RIT2: variants seen among roughly 807,000 people sequenced by gnomAD.
The protein encoded by RIT2 is GTP-binding protein Rit2.
In RIT2, 24 loss-of-function variants were observed where a neutral mutation model predicts 23.7. The observed-to-expected ratio is 1.01, with a 90% CI of 0.73 to 1.43. The LOEUF (loss-of-function observed/expected upper bound fraction) is 1.43, where lower values mean the gene tolerates loss of function less well. Among genes scored for constraint, RIT2 ranks in the 40% most tolerant of loss-of-function variants. The pLI is 0.00. For synonymous variants in RIT2, 107 were observed against 91.1 expected (o/e 1.17, Z -0.99); for missense variants, 236 against 266.9 (o/e 0.88, Z 0.81).
chr18:42,996,415 C>A (rs1158435265), intron 2 of RIT2, among the ~76,000 whole-genome samples: 1 of 152,076 alleles, frequency 6.6e-6, no homozygotes, highest in African/African-American at 2.4e-5. Context: ...GTTTCTGAGT[C>A]CAAGCTAAGC....
chr18:43,021,804 C>T lies in RIT2; in HGVS notation c.160+12007G>A, dbSNP rs528876254. 3.9e-5 allele frequency among the ~76,000 whole-genome samples: 6 copies of T among 152,174 alleles called. No homozygotes were observed. In the South Asian group the frequency reaches 8.3e-4, roughly 21 times the overall value. ...CATGCAGAAATGTGAGCCAGTTAAA[C>T]CTCTTTTCTTTATAAATTACCCAGT... On this transcript the variant is annotated intron_variant, in intron 2 of 4. Transcript: ENST00000326695.
At chr18:42,909,026 CAT>C (rs751150177) in intron 4 of RIT2, among the ~76,000 whole-genome samples, 8 of 152,104 alleles carry the variant, frequency 5.3e-5, no homozygotes, top group African/African-American at 1.4e-4. Flanking sequence ...CACATCCACA[CAT>C]GTTTATAGCA....
intron 4 of RIT2, among the ~76,000 whole-genome samples, chr18:42,899,232 G>A (rs1343120083): frequency 4.0e-5 from 6 of 150,592 alleles, no homozygotes; most frequent in Non-Finnish European, 1.5e-5. Context: ...ATTTCAGTGG[G>A]CATAAGAATT....
intron 4 of RIT2, among the ~76,000 whole-genome samples, chr18:42,788,009 T>G (rs912710907): frequency 2.0e-5 from 3 of 151,924 alleles, no homozygotes; most frequent in African/African-American, 7.2e-5. Flanking sequence ...AAATTTAAAT[T>G]ATCAAATTTT....
At chr18:43,082,538 G>T (rs1221721749) in intron 1 of RIT2, among the ~76,000 whole-genome samples, 1 of 152,130 alleles carries the variant, frequency 6.6e-6, no homozygotes, top group East Asian at 1.9e-4. Context: ...CCACGTTCAA[G>T]TCAACGCCAT....
chr18:42,944,737 G>A (rs1431311581), intron 3 of RIT2, among the ~76,000 whole-genome samples: 1 of 152,104 alleles, frequency 6.6e-6, no homozygotes, highest in Non-Finnish European at 1.5e-5. Flanking sequence ...GGTAGGGATA[G>A]GTTTGTCTGC....
At chr18:42,796,637 C>T (rs9947132) in intron 4 of RIT2, among the ~76,000 whole-genome samples, 49,329 of 152,022 alleles carry the variant, frequency 0.32, 10,724 homozygotes, top group African/African-American at 0.61. Flanking sequence ...CCCTCCACTG[C>T]GCTTCTTGGC....
chr18:42,750,013 A>G (rs2143881283), intron 4 of RIT2, among the ~76,000 whole-genome samples: 1 of 151,932 alleles, frequency 6.6e-6, no homozygotes, highest in East Asian at 1.9e-4. Context: ...TATTAATACA[A>G]TGTGATGCTG....
chr18:43,083,663 G>A (rs1014345168), intron 1 of RIT2, among the ~76,000 whole-genome samples: 8 of 152,228 alleles, frequency 5.3e-5, no homozygotes, highest in African/African-American at 1.9e-4. Context: ...AATGGTGTTG[G>A]GAAAACTGGC....
Position 43,084,212 on chromosome 18 carries a change from G to C in RIT2, c.103+31205C>G, listed in dbSNP as rs145381767. ...TCTATTTCATGCCAGTTAGAATGGT[G>C]ATCATCAAAACCTCAAGAAACAGCA... On this transcript the variant is annotated intron_variant, in intron 1 of 4. Coordinates refer to ENST00000326695, the MANE Select transcript of RIT2 (RefSeq NM_002930.4). Among the ~76,000 whole-genome samples, 780 of 152,244 alleles carry C rather than the reference G, an allele frequency of 5.1e-3. 6 individuals are homozygous for C. Among genetic ancestry groups the C allele is most frequent in the African/African-American group, 0.018 (735 of 41,556 alleles).
At chr18:43,097,657 A>G (rs1913586475) in intron 1 of RIT2, among the ~76,000 whole-genome samples, 2 of 151,958 alleles carry the variant, frequency 1.3e-5, no homozygotes, top group Non-Finnish European at 2.9e-5. Flanking sequence ...CCATTGGCTG[A>G]GTTTTACTTG....
chr18:42,976,421 TAA>T (rs1910479145), intron 2 of RIT2, among the ~76,000 whole-genome samples: 1 of 152,092 alleles, frequency 6.6e-6, no homozygotes, highest in South Asian at 2.1e-4. Context: ...TGAATATATT[TAA>T]AAGAGTCATG....
At chr18:42,982,806 C>T (rs915070447) in intron 2 of RIT2, among the ~76,000 whole-genome samples, 2 of 151,664 alleles carry the variant, frequency 1.3e-5, no homozygotes, top group Admixed American at 1.3e-4. Flanking sequence ...AATTTATATG[C>T]TAAAAATTAT....
intron 4 of RIT2, among the ~76,000 whole-genome samples, chr18:42,800,361 CCTCTAGAT>C (rs1328392552): frequency 6.6e-6 from 1 of 152,112 alleles, no homozygotes; most frequent in African/African-American, 2.4e-5. Context: ...TAGCTGCCCT[CCTCTAGAT>C]CTCTAGATTT....
chr18:42,784,138 T>C (rs1228144166), intron 4 of RIT2, among the ~76,000 whole-genome samples: 2 of 152,044 alleles, frequency 1.3e-5, no homozygotes, highest in Non-Finnish European at 2.9e-5. Flanking sequence ...TACCATTTTA[T>C]TCACATTATA....
intron 2 of RIT2, among the ~76,000 whole-genome samples, chr18:43,021,365 C>A (rs1911593954): frequency 6.6e-6 from 1 of 151,884 alleles, no homozygotes; most frequent in South Asian, 2.1e-4. Flanking sequence ...TAAGTATTAT[C>A]AAGTAGTGAA....
At chr18:43,038,380 AT>A in intron 1 of RIT2, among the ~76,000 whole-genome samples, 1 of 136,272 alleles carries the variant, frequency 7.3e-6, no homozygotes, top group Non-Finnish European at 1.6e-5. Context: ...GCTGTTGAAT[AT>A]TTTTTGCCTG....
chr18:43,043,465 T>C (rs961313423), intron 1 of RIT2, among the ~76,000 whole-genome samples: 1 of 152,172 alleles, frequency 6.6e-6, no homozygotes, highest in Non-Finnish European at 1.5e-5. Flanking sequence ...CATCTAAAAT[T>C]AACTTTTGAC....
intron 3 of RIT2, among the ~76,000 whole-genome samples, chr18:42,945,208 AT>A (rs1160283618): frequency 2.0e-4 from 31 of 152,210 alleles, no homozygotes; most frequent in Non-Finnish European, 5.9e-5. Context: ...TTTATAAGAT[AT>A]TTTACAGGTA....
Sources: gnomAD v4.1 joint callset for allele counts (sites outside exome capture counted in the v4.1 genomes callset) on GRCh38, gnomAD v4.1.1 for gene constraint, MANE v1.5 for transcripts, NCBI Gene and HGNC (gene_info 2026-07-23, HGNC 2026-07-21) for gene names.